The following CSMD1 variants were observed in gnomAD, a reference collection of about 807,000 sequenced individuals.
CSMD1 encodes CUB and Sushi multiple domains 1.
CSMD1 carries 213 observed loss-of-function variants against 417.5 expected under a neutral mutation model. That is an observed-to-expected ratio of 0.51 (90% CI 0.46 to 0.57). The LOEUF (loss-of-function observed/expected upper bound fraction) is 0.57. Among genes scored for constraint, CSMD1 ranks in the 20% least tolerant of loss-of-function variants. The pLI is 0.00. For synonymous variants in CSMD1, 2,862 were observed against 1,736.8 expected (o/e 1.65, Z -16.11); for missense variants, 6,923 against 4,529.7 (o/e 1.53, Z -15.17).
chr8:3,758,770 T>C (rs986317027), intron 5 of CSMD1, among the ~76,000 whole-genome samples: 7 of 152,172 alleles, frequency 4.6e-5, no homozygotes, highest in Non-Finnish European at 1.0e-4. Flanking sequence ...AGACTGTCAA[T>C]GTGTCACCTG....
rs145669035 is a variant in CSMD1, at chr8:3,552,006, C to T, written c.1344+22939G>A. The stretch of plus-strand genomic sequence containing the variant: ...TCTCACAGTGGCAGAAACAGGAACT[C>T]GAGAAGTTTCATAGCAAATGTTTAA... On this transcript the variant is annotated intron_variant, in intron 10 of 69. Transcript: ENST00000635120. Among the ~76,000 whole-genome samples the T allele has an allele frequency of 4.4e-3, 674 of 152,208 alleles. 6 individuals are homozygous for T. The highest frequency in any genetic ancestry group is 0.015 in the African/African-American group (639 of 41,516).
At chr8:4,675,244 TA>T (rs1253250044) in intron 1 of CSMD1, among the ~76,000 whole-genome samples, 3 of 152,218 alleles carry the variant, frequency 2.0e-5, no homozygotes, top group Non-Finnish European at 4.4e-5. Context: ...ATGCAGTATT[TA>T]AAACACTTAA....
intron 1 of CSMD1, among the ~76,000 whole-genome samples, chr8:4,913,298 C>A (rs1234142581): frequency 6.6e-6 from 1 of 152,202 alleles, no homozygotes; most frequent in East Asian, 1.9e-4. Context: ...TTGCTATCCT[C>A]ATTTGGTGTT....
chr8:4,217,518 G>A (rs1300999110), intron 3 of CSMD1, among the ~76,000 whole-genome samples: 6 of 152,200 alleles, frequency 3.9e-5, no homozygotes, highest in South Asian at 2.1e-4. Context: ...AGGGGAGGGA[G>A]AAGGTGGTGG....
chr8:4,085,388 G>C (rs1050786273), intron 3 of CSMD1, among the ~76,000 whole-genome samples: 1 of 152,102 alleles, frequency 6.6e-6, no homozygotes, highest in Admixed American at 6.5e-5. Context: ...TATTGGAGAA[G>C]CTCCAAAAAA....
intron 1 of CSMD1, among the ~76,000 whole-genome samples, chr8:4,828,314 T>C (rs1799950732): frequency 2.0e-5 from 3 of 152,310 alleles, no homozygotes; most frequent in South Asian, 4.1e-4. Context: ...ATGTGCTGAC[T>C]TTTCTTATAG....
chr8:4,037,100 G>T (rs562091962), intron 3 of CSMD1, among the ~76,000 whole-genome samples: 1 of 152,038 alleles, frequency 6.6e-6, no homozygotes, highest in Admixed American at 6.6e-5. Flanking sequence ...GGAATAATTG[G>T]ATAAATTATT....
chr8:3,381,725 C>A (rs1165086407), intron 18 of CSMD1, among the ~76,000 whole-genome samples: 2 of 151,956 alleles, frequency 1.3e-5, no homozygotes, highest in Middle Eastern at 3.2e-3. Flanking sequence ...AAATAAGACT[C>A]AGTAACATAA....
intron 3 of CSMD1, among the ~76,000 whole-genome samples, chr8:4,217,746 T>G (rs1318934641): frequency 2.0e-5 from 3 of 152,156 alleles, no homozygotes; most frequent in Non-Finnish European, 4.4e-5. Flanking sequence ...TCTACGGTGT[T>G]ATAGGATACT....
intron 49 of CSMD1, among the ~76,000 whole-genome samples, chr8:3,063,582 G>A (rs933253408): frequency 1.3e-5 from 2 of 152,182 alleles, no homozygotes; most frequent in Non-Finnish European, 2.9e-5. Context: ...AGCAATCGAA[G>A]TGTCTGCCAA....
At chr8:3,874,724 G>A (rs1276789014) in intron 5 of CSMD1, among the ~76,000 whole-genome samples, 1 of 152,096 alleles carries the variant, frequency 6.6e-6, no homozygotes, top group Non-Finnish European at 1.5e-5. Flanking sequence ...GGCGCCCACT[G>A]CTCTTGGCAA....
chr8:4,440,712 C>T (rs1271714969), intron 2 of CSMD1, among the ~76,000 whole-genome samples: 1 of 152,094 alleles, frequency 6.6e-6, no homozygotes, highest in South Asian at 2.1e-4. Context: ...TTAATTAATT[C>T]TGGCCGGGTG....
intron 3 of CSMD1, among the ~76,000 whole-genome samples, chr8:4,123,380 A>T (rs1184817006): frequency 6.6e-6 from 1 of 152,154 alleles, no homozygotes; most frequent in Admixed American, 6.5e-5. Context: ...TCCTTTATTA[A>T]TTCTTATCTG....
chr8:3,066,760 C>A (rs1023558497), intron 49 of CSMD1, among the ~76,000 whole-genome samples: 2 of 152,074 alleles, frequency 1.3e-5, no homozygotes, highest in African/African-American at 4.8e-5. Context: ...GGAAACTCCA[C>A]GGAGAACAGA....
chr8:3,356,334 C>G (rs1172182935), intron 21 of CSMD1, among the ~76,000 whole-genome samples: 4 of 152,158 alleles, frequency 2.6e-5, no homozygotes, highest in African/African-American at 9.7e-5. Context: ...AGGGATGAGG[C>G]AGACCACTGT....
intron 5 of CSMD1, among the ~76,000 whole-genome samples, chr8:3,952,091 T>G (rs960925640): frequency 2.6e-5 from 4 of 152,284 alleles, no homozygotes; most frequent in African/African-American, 9.6e-5. Context: ...AATAAAAATC[T>G]TTAAATTTCC....
At chr8:3,132,600 A>G (rs896109075) in intron 41 of CSMD1, among the ~76,000 whole-genome samples, 3 of 152,132 alleles carry the variant, frequency 2.0e-5, no homozygotes, top group Non-Finnish European at 2.9e-5. Context: ...GCCACCCCAA[A>G]ACACACTTCT....
intron 10 of CSMD1, among the ~76,000 whole-genome samples, chr8:3,504,403 G>A (rs895728642): frequency 6.6e-6 from 1 of 152,086 alleles, no homozygotes; most frequent in East Asian, 1.9e-4. Flanking sequence ...TTCCCTGGGG[G>A]ATTTCTGGGA....
intron 1 of CSMD1, among the ~76,000 whole-genome samples, chr8:4,964,623 G>A (rs1019292189): frequency 6.6e-6 from 1 of 151,062 alleles, no homozygotes; most frequent in Non-Finnish European, 1.5e-5. Flanking sequence ...TGAAGCAGGT[G>A]GATCTTCCAA....
Sources: allele counts gnomAD v4.1 joint callset (sites outside exome capture counted in the v4.1 genomes callset), GRCh38; gene constraint gnomAD v4.1.1; transcripts MANE v1.5; gene names NCBI Gene and HGNC (gene_info 2026-07-23, HGNC 2026-07-21).